NOMO2: variants seen among roughly 807,000 people sequenced by gnomAD.
The protein encoded by NOMO2 is BOS complex subunit NOMO2.
In NOMO2, 14 loss-of-function variants were observed where a neutral mutation model predicts 67.1. The ratio of observed to expected loss-of-function variants is 0.21; its 90% confidence interval spans 0.14 to 0.33. The LOEUF (loss-of-function observed/expected upper bound fraction) is 0.33. Among genes scored for constraint, NOMO2 ranks in the 10% least tolerant of loss-of-function variants. The pLI is 1.00. For missense variants in NOMO2, 178 were observed against 761.0 expected, an observed-to-expected ratio of 0.23 and a Z score of 9.01; for synonymous variants, 80 against 305.9, an observed-to-expected ratio of 0.26 and a Z score of 7.71.
At position 18,533,046 on chromosome 16, in the gene NOMO2, A is replaced by G. The variant is rs1323684918; in HGVS notation, c.1354T>C (p.Ser452Pro). Residue 452 changes from serine to proline, a missense_variant, in exon 12 of 31, where the codon TCA becomes CCA. Physicochemically the swap from Ser to Pro is moderately conservative, Grantham distance 74. Transcript: ENST00000622306. ...CCTGGTTTTGCTTTAAAACAAAATG[A>G]TCCATGAGCATCTGTCTCCACGGTG... ...LVTVETDAHG[S>P]FCFKAKPGTY... is the part of the protein sequence containing the mutation. 6.2e-7 allele frequency: 1 copy of G among 1,608,892 alleles called. No individual in the cohort carries two copies. The highest frequency in any genetic ancestry group is 1.7e-5 in the Admixed American group (1 of 59,558).
In NOMO2 at chr16:18,533,148, G is replaced by C; in HGVS notation, c.1252C>G (p.Arg418Gly). ...FSVCGRISII[R>G]FPDTVKQMNK... is the part of the protein sequence containing the mutation. Reference sequence around the variant, plus strand: ...ATCTGCTTGACGGTGTCCGGGAAGCGAATGATTGATATCCGACCACAGACA... The same window carrying C: ...ATCTGCTTGACGGTGTCCGGGAAGCCAATGATTGATATCCGACCACAGACA... Residue 418 changes from arginine to glycine, a missense_variant, in exon 12 of 31, where the codon CGC becomes GGC. Physicochemically the swap from Arg to Gly is moderately radical, Grantham distance 125. Transcript: ENST00000622306. 2 of 1,611,468 alleles carry C rather than the reference G, an allele frequency of 1.2e-6. No homozygotes were observed. Among genetic ancestry groups the C allele is most frequent in the Non-Finnish European group, 1.7e-6 (2 of 1,179,732 alleles).
In NOMO2 at chr16:18,562,004, C is replaced by A. The variant is rs747829084; in HGVS notation, c.37G>T (p.Ala13Ser). 2.6e-6 allele frequency: 4 copies of A among 1,551,416 alleles called. No homozygotes were observed. Among genetic ancestry groups the A allele is most frequent in the Non-Finnish European group, 2.6e-6 (3 of 1,149,870 alleles). The stretch of plus-strand genomic sequence containing the variant: ...AGCACCACCGCGGCGGTGACCACCG[C>A]GGGCCCCAGCAGCCCCGCGCCCTGG... ...VGQGAGLLGP[A>S]VVTAAVVLLL... The change falls in exon 1 of 31, where the codon GCG (alanine) becomes TCG (serine). Residue 13 changes from alanine to serine, a missense_variant. Physicochemically the swap from Ala to Ser is moderately conservative, Grantham distance 99. Transcript: ENST00000622306.
In NOMO2 at chr16:18,531,522, A is replaced by G. The variant is rs138863681; in HGVS notation, c.1481T>C (p.Met494Thr). 13 of 1,605,206 alleles carry G rather than the reference A, an allele frequency of 8.1e-6. No homozygotes were observed. The African/African-American group carries it at 1.3e-4, about 17-fold the overall frequency. ...CAAGAACTGTACAAAGGCCACATCC[A>G]TCACGGGCCTGTCGGTCACAGTAAG... is the stretch of plus-strand genomic sequence containing the variant. The part of the protein sequence containing the change: ...FPLTVTDRPV[M>T]DVAFVQFLAS... Residue 494 changes from methionine to threonine, a missense_variant, in exon 13 of 31, where the codon ATG becomes ACG. Met to Thr is a moderately conservative substitution (Grantham distance 81). Coordinates refer to ENST00000622306, the MANE Select transcript of NOMO2 (RefSeq NM_173614.4).
In NOMO2 at chr16:18,531,313, G is replaced by A. The variant is rs574391792; in HGVS notation, c.1538-145C>T. 2.5e-4 allele frequency: 303 copies of A among 1,202,748 alleles called. 4 individuals are homozygous for A. Among genetic ancestry groups the A allele is most frequent in the Admixed American group, 1.9e-3 (89 of 46,804 alleles). 74.5% of individuals were successfully genotyped at this position (1,202,748 alleles called of 1,614,324 possible). ...GAGGCAGACGGAGTGCTTCTTTCAAGCTAACATGCACCCACTTGACTCCAA... is the reference window on the plus strand; with the variant it reads ...GAGGCAGACGGAGTGCTTCTTTCAAACTAACATGCACCCACTTGACTCCAA... On this transcript the variant is annotated intron_variant, in intron 13 of 30. Coordinates refer to ENST00000622306, the MANE Select transcript of NOMO2 (RefSeq NM_173614.4).
intron 6 of NOMO2, among the ~76,000 whole-genome samples, chr16:18,544,883 A>G (rs1156308634): frequency 6.6e-6 from 1 of 151,896 alleles, no homozygotes; most frequent in African/African-American, 2.4e-5. Flanking sequence ...CCAACAGAAG[A>G]GCACCAGCAA....
chr16:18,558,505 G>A (rs1901962709), intron 1 of NOMO2, among the ~76,000 whole-genome samples: 1 of 148,768 alleles, frequency 6.7e-6, no homozygotes, highest in Non-Finnish European at 1.5e-5. Context: ...TCAACTAAAG[G>A]TCTGGAATGA....
chr16:18,549,066 C>T (rs1399479536), intron 5 of NOMO2, among the ~76,000 whole-genome samples: 6 of 142,416 alleles, frequency 4.2e-5, no homozygotes, highest in East Asian at 4.1e-4. Context: ...GCAATCCTCC[C>T]GCCTCAGCCT....
rs182190470 is a variant in NOMO2, at chr16:18,553,295, A to G, written c.301+1512T>C. Among the ~76,000 whole-genome samples, 209 of 150,892 alleles carry G rather than the reference A, an allele frequency of 1.4e-3. 1 individual carries two copies. The highest frequency in any genetic ancestry group is 4.6e-3 in the African/African-American group (190 of 41,252). ...AAGAAAAAAATAAAATAAAATATAA[A>G]TATTTTATAAAATATAAATAATTTT... is the stretch of plus-strand genomic sequence containing the variant. On this transcript the variant is annotated intron_variant, in intron 3 of 30. Coordinates refer to ENST00000622306, the MANE Select transcript of NOMO2 (RefSeq NM_173614.4).
chr16:18,529,294 C>T (rs1196239391), intron 15 of NOMO2: 2 of 637,248 alleles, frequency 3.1e-6, no homozygotes, highest in Non-Finnish European at 5.7e-6. Context: ...AGGGCCAGGA[C>T]AAGGAAACCT....
chr16:18,558,828 T>C (rs1901971687), intron 1 of NOMO2: 1 of 455,562 alleles, frequency 2.2e-6, no homozygotes, highest in African/African-American at 2.0e-5. Context: ...GTTGTACAGA[T>C]TCACATCAAT....
chr16:18,556,639 G>A (rs1901910437), intron 2 of NOMO2, among the ~76,000 whole-genome samples: 1 of 151,882 alleles, frequency 6.6e-6, no homozygotes, highest in African/African-American at 2.4e-5. Flanking sequence ...GACTATTTTT[G>A]CAACTTCCTA....
intron 11 of NOMO2, among the ~76,000 whole-genome samples, chr16:18,534,179 T>A (rs1380510664): frequency 6.6e-6 from 1 of 151,826 alleles, no homozygotes; most frequent in African/African-American, 2.4e-5. Flanking sequence ...CTAGGAATCA[T>A]GAAAAACACA....
rs369075062 is a variant in NOMO2 at position 18,535,618 on chromosome 16, G to A, written c.1221-2439C>T. 6.6e-5 allele frequency among the ~76,000 whole-genome samples: 10 copies of A among 151,734 alleles called. 1 individual carries two copies. Among genetic ancestry groups the A allele is most frequent in the South Asian group, 2.1e-4 (1 of 4,766 alleles). On this transcript the variant is annotated intron_variant, in intron 11 of 30. Transcript: ENST00000622306. ...AAATCCATCTACTCCTCCCTCCCTC[G>A]CCTGCCAGCCGCCTGGGCCCGGCCA...
At chr16:18,536,753 T>C (rs1901432606) in intron 11 of NOMO2, among the ~76,000 whole-genome samples, 1 of 152,226 alleles carries the variant, frequency 6.6e-6, no homozygotes, top group Non-Finnish European at 1.5e-5. Flanking sequence ...CATTTTTCAG[T>C]GCCTCATCTA....
At chr16:18,561,194 A>AAAACAAAAAAAAAAAAAC (rs1555467957) in intron 1 of NOMO2, among the ~76,000 whole-genome samples, 1 of 137,178 alleles carries the variant, frequency 7.3e-6, no homozygotes, top group East Asian at 2.4e-4. Flanking sequence ...AAAAAAAAAA[A>AAAACAAAAAAAAAAAAAC]AAAAAAAAAA....
intron 11 of NOMO2, among the ~76,000 whole-genome samples, chr16:18,536,641 C>A (rs1411707831): frequency 6.6e-6 from 1 of 152,060 alleles, no homozygotes; most frequent in Non-Finnish European, 1.5e-5. Context: ...AGGTGTGAGG[C>A]ATTAAGCCTG....
intron 1 of NOMO2, among the ~76,000 whole-genome samples, chr16:18,560,237 C>T (rs1435986646): frequency 1.4e-4 from 22 of 151,994 alleles, no homozygotes; most frequent in African/African-American, 3.9e-4. Flanking sequence ...GAATTACTTA[C>T]GAAAGAATGA....
Position 18,547,860 on chromosome 16 carries a change from A to G in NOMO2, c.510-560T>C, listed in dbSNP as rs1329388221. The stretch of plus-strand genomic sequence containing the variant: ...GATAAGTCATTCTGGGTTTTTGCAC[A>G]AAGCAACTGAGATAAGAAACCAGCA... On this transcript the variant is annotated intron_variant, in intron 5 of 30. Transcript: ENST00000622306. Among the ~76,000 whole-genome samples, 4 of 150,430 alleles carry G rather than the reference A, an allele frequency of 2.7e-5. No individual in the cohort carries two copies. In the East Asian group the frequency reaches 5.9e-4, roughly 22 times the overall value.
Position 18,560,618 on chromosome 16 carries a change from T to C in NOMO2, c.165+1258A>G, listed in dbSNP as rs993057181. Among the ~76,000 whole-genome samples the C allele has an allele frequency of 2.6e-5, 4 of 151,932 alleles. 1 individual carries two copies. The highest frequency in any genetic ancestry group is 9.7e-5 in the African/African-American group (4 of 41,410). ...TGCCTGACCTCTGACCTCTTCAGCCTGAAAAAGCAGCAAACAACGGGGCCT... is the reference window on the plus strand; with the variant it reads ...TGCCTGACCTCTGACCTCTTCAGCCCGAAAAAGCAGCAAACAACGGGGCCT... On this transcript the variant is annotated intron_variant, in intron 1 of 30. Transcript: ENST00000622306.
Sources: allele counts gnomAD v4.1 joint callset (sites outside exome capture counted in the v4.1 genomes callset), GRCh38; gene constraint gnomAD v4.1.1; transcripts MANE v1.5; gene names NCBI Gene and HGNC (gene_info 2026-07-23, HGNC 2026-07-21).